The following SCHIP1 variants were observed in gnomAD, a reference collection of about 807,000 sequenced individuals.
The protein encoded by SCHIP1 is schwannomin-interacting protein 1.
SCHIP1 carries 8 observed loss-of-function variants against 29.7 expected under a neutral mutation model. That is an observed-to-expected ratio of 0.27 (90% CI 0.16 to 0.49). SCHIP1 has a LOEUF of 0.49. Among genes scored for constraint, SCHIP1 ranks in the 20% least tolerant of loss-of-function variants. The pLI is 0.99. For synonymous variants in SCHIP1, 76 were observed against 94.9 expected, an observed-to-expected ratio of 0.80 and a Z score of 1.16; for missense variants, 193 against 294.6, an observed-to-expected ratio of 0.66 and a Z score of 2.52.
At chr3:159,629,658 C>T in the SCHIP1 span, among the ~76,000 whole-genome samples, 1 of 152,194 alleles carries the variant, frequency 6.6e-6, no homozygotes. Flanking sequence ...GGGCTCAATT[C>T]CACCTCCTTC....
At chr3:159,444,955 C>T in the SCHIP1 span, among the ~76,000 whole-genome samples, 1 of 152,094 alleles carries the variant, frequency 6.6e-6, no homozygotes, top group Non-Finnish European at 1.5e-5. Context: ...CCATTCAGGA[C>T]ATAGGCATGG....
the SCHIP1 span, among the ~76,000 whole-genome samples, chr3:159,827,790 C>T: frequency 5.5e-5 from 8 of 145,656 alleles, no homozygotes; most frequent in Non-Finnish European, 4.5e-5. Context: ...CCGGCTTGGG[C>T]GACAGAGCGA....
At chr3:159,775,059 A>G in the SCHIP1 span, among the ~76,000 whole-genome samples, 1 of 152,176 alleles carries the variant, frequency 6.6e-6, no homozygotes, top group East Asian at 1.9e-4. Flanking sequence ...ACCCAAACAA[A>G]AAGCTTCAAT....
the SCHIP1 span, among the ~76,000 whole-genome samples, chr3:159,778,694 G>A: frequency 6.6e-6 from 1 of 152,126 alleles, no homozygotes; most frequent in South Asian, 2.1e-4. Context: ...AGTAAACATG[G>A]TGCTAATATA....
rs112353025 is a variant in SCHIP1, at chr3:159,859,067, A to AT, written c.31-7090dup. On this transcript the variant is annotated intron_variant, in intron 1 of 6. Coordinates refer to ENST00000445224, the Ensembl canonical transcript of SCHIP1. ...TTCAGTGATGCAATTGAAAGATACT[A>AT]TTTTTTAACTTATATTTACTTCCAC... is the stretch of plus-strand genomic sequence containing the variant. 9.8e-5 allele frequency among the ~76,000 whole-genome samples: 15 copies of AT among 152,332 alleles called. 1 individual carries two copies. Among genetic ancestry groups the AT allele is most frequent in the African/African-American group, 3.4e-4 (14 of 41,576 alleles).
At chr3:159,704,417 TAAAAAAAAAAAAAAA>T in the SCHIP1 span, among the ~76,000 whole-genome samples, 2 of 92,620 alleles carry the variant, frequency 2.2e-5, no homozygotes, top group African/African-American at 8.2e-5. Context: ...CAATTTTTTC[TAAAAAAAAAAAAAAA>T]AAAAAAAAAA....
At chr3:159,545,680 GTAT>G in the SCHIP1 span, among the ~76,000 whole-genome samples, 12 of 145,636 alleles carry the variant, frequency 8.2e-5, no homozygotes, top group South Asian at 2.4e-3. Flanking sequence ...ATAATATATA[GTAT>G]TATATAATAA....
chr3:159,486,455 A>C, the SCHIP1 span, among the ~76,000 whole-genome samples: 1 of 152,198 alleles, frequency 6.6e-6, no homozygotes, highest in South Asian at 2.1e-4. Flanking sequence ...ATGTTGTCAC[A>C]AATGGGAAGA....
chr3:159,503,160 G>A, the SCHIP1 span, among the ~76,000 whole-genome samples: 4 of 152,186 alleles, frequency 2.6e-5, no homozygotes, highest in Admixed American at 6.5e-5. Context: ...CAGGTAAATA[G>A]TATCCCTTAC....
chr3:159,275,143 A>G, the SCHIP1 span: 1 of 865,802 alleles, frequency 1.2e-6, no homozygotes, highest in Non-Finnish European at 1.4e-6. Context: ...ATCTTTGCTC[A>G]ATAGATCCAC....
the SCHIP1 span, among the ~76,000 whole-genome samples, chr3:159,379,023 T>C: frequency 6.6e-6 from 1 of 152,190 alleles, no homozygotes; most frequent in Non-Finnish European, 1.5e-5. Flanking sequence ...TAAACCTTCA[T>C]TGAGGTTGTT....
At chr3:159,671,519 C>A in the SCHIP1 span, among the ~76,000 whole-genome samples, 39 of 152,264 alleles carry the variant, frequency 2.6e-4, no homozygotes, top group Admixed American at 5.2e-4. Context: ...AGAGTGCACT[C>A]AATAAAGATT....
chr3:159,352,475 G>A, the SCHIP1 span, among the ~76,000 whole-genome samples: 25 of 152,174 alleles, frequency 1.6e-4, no homozygotes, highest in Admixed American at 1.4e-3. Context: ...GTAACATCTT[G>A]CATAACTATA....
At chr3:159,315,833 A>C in the SCHIP1 span, among the ~76,000 whole-genome samples, 8 of 152,076 alleles carry the variant, frequency 5.3e-5, no homozygotes, top group South Asian at 1.7e-3. Flanking sequence ...AACTTATGAC[A>C]TGTTAGACAT....
At chr3:159,738,378 A>G in the SCHIP1 span, among the ~76,000 whole-genome samples, 3 of 152,202 alleles carry the variant, frequency 2.0e-5, no homozygotes, top group African/African-American at 7.2e-5. Context: ...ATGTCTTTCA[A>G]TGTGACCTAT....
At chr3:159,691,524 G>A in the SCHIP1 span, among the ~76,000 whole-genome samples, 1 of 149,454 alleles carries the variant, frequency 6.7e-6, no homozygotes, top group Non-Finnish European at 1.5e-5. Flanking sequence ...CCTGAATACA[G>A]CACACCAATC....
the SCHIP1 span, among the ~76,000 whole-genome samples, chr3:159,510,239 C>T: frequency 6.6e-6 from 1 of 152,168 alleles, no homozygotes; most frequent in Non-Finnish European, 1.5e-5. Flanking sequence ...CACTGATACC[C>T]TTTCTTCCAG....
chr3:159,597,624 C>A, the SCHIP1 span, among the ~76,000 whole-genome samples: 1 of 152,024 alleles, frequency 6.6e-6, no homozygotes, highest in Non-Finnish European at 1.5e-5. Context: ...TTTTAAAAAA[C>A]AGGCTGAATA....
At chr3:159,452,374 C>T in the SCHIP1 span, among the ~76,000 whole-genome samples, 3 of 152,218 alleles carry the variant, frequency 2.0e-5, no homozygotes, top group East Asian at 1.9e-4. Context: ...TTGTTCAACT[C>T]CCACTTATAA....
Sources: allele counts gnomAD v4.1 joint callset (sites outside exome capture counted in the v4.1 genomes callset), GRCh38; gene constraint gnomAD v4.1.1; transcripts MANE v1.5; gene names NCBI Gene and HGNC (gene_info 2026-07-23, HGNC 2026-07-21).